LMBR1: variants seen among roughly 807,000 people sequenced by gnomAD.
LMBR1 encodes limb development membrane protein 1.
Under a neutral mutation model 73.9 loss-of-function variants are expected in LMBR1, and 52 were observed. The ratio of observed to expected loss-of-function variants is 0.70; its 90% CI spans 0.56 to 0.89. LMBR1 has a LOEUF of 0.89. LMBR1 is among the 40% of genes least tolerant of loss of function. The pLI is 0.00. For missense variants in LMBR1, 539 were observed against 579.8 expected, an observed-to-expected ratio of 0.93 and a Z score of 0.72; for synonymous variants, 215 against 209.4, an observed-to-expected ratio of 1.03 and a Z score of -0.23.
At position 156,685,984 on chromosome 7, in the gene LMBR1, G is replaced by GA. The variant is rs1171262496; in HGVS notation, c.1388-1822dup. On this transcript the variant is annotated intron_variant, in intron 16 of 16. Coordinates refer to ENST00000353442, the MANE Select transcript of LMBR1 (RefSeq NM_022458.4). This position sits in a 1 kb window ranked among gnomAD's most constrained non-coding sequence, Gnocchi z 4.1. ...CTGAGCCTATGTTTGAATGGGAAGG[G>GA]AAAAAAGAAATCAATCCAACACAAA... Among the ~76,000 whole-genome samples the GA allele has an allele frequency of 6.6e-6, 1 of 152,094 alleles. No homozygotes were observed. The highest frequency in any genetic ancestry group is 2.4e-5 in the African/African-American group (1 of 41,424).
intron 8 of LMBR1, among the ~76,000 whole-genome samples, chr7:156,758,187 G>C (rs1011759004): frequency 1.3e-5 from 2 of 152,164 alleles, no homozygotes; most frequent in African/African-American, 4.8e-5. Flanking sequence ...AGTGGGTTAG[G>C]GGAGAGGAAT....
At chr7:156,743,417 G>A (rs1819270519) in intron 9 of LMBR1, among the ~76,000 whole-genome samples, 1 of 152,016 alleles carries the variant, frequency 6.6e-6, no homozygotes, top group Non-Finnish European at 1.5e-5. Flanking sequence ...TATCTATTAG[G>A]ACACTATATA....
chr7:156,796,443 C>A lies in LMBR1; in HGVS notation c.369G>T (p.Leu123Phe). 1 of 1,608,306 alleles carries A rather than the reference C, an allele frequency of 6.2e-7. No homozygotes were observed. Among genetic ancestry groups the A allele is most frequent in the South Asian group, 1.1e-5 (1 of 89,632 alleles). The change falls in exon 5 of 17, where the codon TTG becomes TTT. Residue 123 changes from leucine to phenylalanine, a missense_variant. Physicochemically the swap from Leu to Phe is conservative, Grantham distance 22 (BLOSUM62 0). Coordinates refer to ENST00000353442, the MANE Select transcript of LMBR1 (RefSeq NM_022458.4). Reference sequence around the variant, plus strand: ...CCAGAAAGAAAAAGGCAAAGGGCATCAATACAAATAAACAAAGGTTGGAAA... The same window carrying A: ...CCAGAAAGAAAAAGGCAAAGGGCATAAATACAAATAAACAAAGGTTGGAAA... ...SLFSNLCLFV[L>F]MPFAFFFLES...
At chr7:156,741,515 G>C (rs1209814935) in intron 9 of LMBR1, among the ~76,000 whole-genome samples, 2 of 152,056 alleles carry the variant, frequency 1.3e-5, no homozygotes, top group African/African-American at 4.8e-5. Flanking sequence ...ACTTATATCA[G>C]ACAAAATAGA....
chr7:156,827,558 T>A (rs1409271088), intron 3 of LMBR1, among the ~76,000 whole-genome samples: 2 of 152,124 alleles, frequency 1.3e-5, no homozygotes, highest in Non-Finnish European at 2.9e-5. Context: ...ATTTTTATTT[T>A]CTACAAGAAA....
chr7:156,813,278 C>A (rs1277649792), intron 4 of LMBR1, among the ~76,000 whole-genome samples: 1 of 152,170 alleles, frequency 6.6e-6, no homozygotes, highest in Non-Finnish European at 1.5e-5. Context: ...AGAAAAAGCT[C>A]TGGGCATAAA....
chr7:156,716,476 C>A (rs75359953), intron 15 of LMBR1, among the ~76,000 whole-genome samples: 3,648 of 152,258 alleles, frequency 0.024, 146 homozygotes, highest in African/African-American at 0.084. Flanking sequence ...TAATTAGAGT[C>A]CAGGAAAGAA....
chr7:156,730,155 A>G (rs1402987806), intron 10 of LMBR1, among the ~76,000 whole-genome samples: 3 of 152,266 alleles, frequency 2.0e-5, no homozygotes, highest in African/African-American at 7.2e-5. Context: ...CTACCAATGC[A>G]GTCAAAACTT....
chr7:156,787,920 G>A (rs1241558033), intron 5 of LMBR1, among the ~76,000 whole-genome samples: 4 of 152,166 alleles, frequency 2.6e-5, no homozygotes, highest in African/African-American at 2.4e-5. Context: ...GGGATTACAG[G>A]TGCCCACCAC....
At chr7:156,777,885 T>C (rs909010423) in intron 5 of LMBR1, among the ~76,000 whole-genome samples, 1 of 152,196 alleles carries the variant, frequency 6.6e-6, no homozygotes, top group Non-Finnish European at 1.5e-5. Context: ...CCTTGTCACC[T>C]ACCTTTCCTG....
intron 1 of LMBR1, among the ~76,000 whole-genome samples, chr7:156,869,357 C>T (rs1166778385): frequency 6.6e-6 from 1 of 152,090 alleles, no homozygotes; most frequent in Non-Finnish European, 1.5e-5. Flanking sequence ...TATATTCTGT[C>T]TTATTGCATA....
chr7:156,681,152 C>T lies in LMBR1; in HGVS notation c.*2926G>A, dbSNP rs148658727. The T allele has an allele frequency of 4.4e-6, 2 of 452,130 alleles. No homozygotes were observed. The highest frequency in any genetic ancestry group is 3.1e-5 in the South Asian group (2 of 63,808). 28.0% of individuals were successfully genotyped at this position (452,130 alleles called of 1,614,324 possible). ...TAACGTGCTACCAACAAAACTAGCA[C>T]ATAAGAGCCTGTAAATGATGAAAAC... On this transcript the variant is annotated 3_prime_UTR_variant, in exon 17 of 17. Coordinates refer to ENST00000353442, the MANE Select transcript of LMBR1 (RefSeq NM_022458.4).
chr7:156,762,551 C>A (rs1823254309), intron 7 of LMBR1, among the ~76,000 whole-genome samples: 1 of 152,156 alleles, frequency 6.6e-6, no homozygotes, highest in Admixed American at 6.5e-5. Context: ...ATTAATAGGA[C>A]TGAGAAACAA....
At chr7:156,742,184 T>C (rs938827102) in intron 9 of LMBR1, among the ~76,000 whole-genome samples, 3 of 151,650 alleles carry the variant, frequency 2.0e-5, no homozygotes, top group African/African-American at 4.8e-5. Context: ...GGTGTCTATA[T>C]AAAAAAAGAG....
intron 15 of LMBR1, among the ~76,000 whole-genome samples, chr7:156,706,987 T>C (rs544382932): frequency 7.4e-5 from 11 of 149,582 alleles, no homozygotes; most frequent in African/African-American, 2.4e-4. Context: ...GATAAACCAA[T>C]TGCTAGAGTA....
intron 10 of LMBR1, among the ~76,000 whole-genome samples, chr7:156,733,166 C>A (rs1817186614): frequency 6.6e-6 from 1 of 151,966 alleles, no homozygotes; most frequent in African/African-American, 2.4e-5. Context: ...CAAAACAAAA[C>A]AAAAAGAAAT....
At chr7:156,733,180 A>G (rs187128945) in intron 10 of LMBR1, among the ~76,000 whole-genome samples, 64 of 152,234 alleles carry the variant, frequency 4.2e-4, no homozygotes, top group Non-Finnish European at 4.9e-4. Context: ...AAGAAATACT[A>G]TAAGTGAGGC....
intron 1 of LMBR1, among the ~76,000 whole-genome samples, chr7:156,841,974 C>T (rs1586169393): frequency 1.4e-5 from 2 of 140,208 alleles, no homozygotes; most frequent in Admixed American, 7.2e-5. Flanking sequence ...GTTATGTGCT[C>T]AAGTTGTGGG....
At chr7:156,704,921 A>G (rs1416883047) in intron 15 of LMBR1, among the ~76,000 whole-genome samples, 1 of 152,104 alleles carries the variant, frequency 6.6e-6, no homozygotes, top group African/African-American at 2.4e-5. Context: ...AAAAGGAACA[A>G]AAAAGAATGA....
Sources: allele counts gnomAD v4.1 joint callset (sites outside exome capture counted in the v4.1 genomes callset), GRCh38; gene constraint gnomAD v4.1.1; non-coding constraint Gnocchi (gnomAD v3.1); transcripts MANE v1.5; gene names NCBI Gene and HGNC (gene_info 2026-07-23, HGNC 2026-07-21).